The following MME variants were observed in gnomAD, a reference collection of about 807,000 sequenced individuals.
MME encodes neprilysin.
A neutral mutation model predicts 113.2 loss-of-function variants in MME; 98 were observed. The observed-to-expected ratio is 0.87, with a 90% CI of 0.74 to 1.02. The LOEUF (loss-of-function observed/expected upper bound fraction) is 1.02. Among genes scored for constraint, MME ranks in the 50% least tolerant of loss-of-function variants. MME has a pLI of 0.00. For missense variants in MME, 836 were observed against 896.0 expected (o/e 0.93, Z 0.86); for synonymous variants, 292 against 300.6 (o/e 0.97, Z 0.30).
chr3:155,160,494 C>T, intron 17 of MME, 46 bp downstream of exon 17: 4 of 1,327,376 alleles, frequency 3.0e-6, no homozygotes, highest in Non-Finnish European at 4.3e-6. Flanking sequence ...TCTATCGTTC[C>T]CAACCTGTAG....
chr3:155,140,743 A>G (rs1360427535), intron 10 of MME, among the ~76,000 whole-genome samples: 1 of 152,112 alleles, frequency 6.6e-6, no homozygotes. Flanking sequence ...CAATAATACT[A>G]GAAACTCCCA....
intron 3 of MME, among the ~76,000 whole-genome samples, chr3:155,103,730 C>A (rs185757481): frequency 2.2e-4 from 33 of 152,162 alleles, no homozygotes; most frequent in African/African-American, 7.7e-4. Context: ...TTTATTTCTT[C>A]TCTCTTTTAA....
chr3:155,063,308 A>G, intron 1 of MME, among the ~76,000 whole-genome samples: 1 of 109,060 alleles, frequency 9.2e-6, no homozygotes, highest in East Asian at 2.4e-4. Flanking sequence ...ATAAAGATAT[A>G]ATATATCATT....
chr3:155,069,864 T>C (rs1714496826), intron 1 of MME, among the ~76,000 whole-genome samples: 1 of 152,190 alleles, frequency 6.6e-6, no homozygotes, highest in Non-Finnish European at 1.5e-5. Flanking sequence ...CTTGCCCTTG[T>C]CCATGTGATG....
upstream of MME, among the ~76,000 whole-genome samples, chr3:155,077,809 T>C (rs574407067): frequency 1.8e-4 from 27 of 152,000 alleles, no homozygotes; most frequent in African/African-American, 6.3e-4. Flanking sequence ...CAATCCATAC[T>C]GTCGACTATC....
At chr3:155,083,975 G>A in intron 1 of MME, 183 bp from the exon 2 acceptor site, 1 of 589,620 alleles carries the variant, frequency 1.7e-6, no homozygotes, top group South Asian at 2.1e-5. Flanking sequence ...ACTGAGACCT[G>A]TCAAATTCAT....
intron 16 of MME, among the ~76,000 whole-genome samples, chr3:155,158,050 A>G (rs1722441190): frequency 6.6e-6 from 1 of 152,142 alleles, no homozygotes; most frequent in Non-Finnish European, 1.5e-5. Context: ...CACAAGATGG[A>G]TAATATATAA....
intron 14 of MME, 80 bp downstream of exon 14, chr3:155,144,537 A>T (rs1721365306): frequency 5.7e-6 from 5 of 883,578 alleles, no homozygotes; most frequent in Admixed American, 4.2e-5. Flanking sequence ...TTTAGAAAAA[A>T]ATATAATCAA....
At chr3:155,158,731 T>C (rs560685773) in intron 16 of MME, 2 of 152,142 alleles carry the variant, frequency 1.3e-5, no homozygotes, top group African/African-American at 2.4e-5. Flanking sequence ...TTCTTGTGAG[T>C]CAACACAAAT....
rs1713190707 is a variant in MME at position 155,182,462 on chromosome 3, T to C, written c.*2003T>C. ...TTATTATAAGCATTGAAATTATAGT[T>C]TCAAGCCAACTGTGGATACCCTTAC... On this transcript the variant is annotated 3_prime_UTR_variant, in exon 23 of 23. Transcript: ENST00000360490. 1 of 152,174 alleles carries C rather than the reference T, an allele frequency of 6.6e-6. No individual in the cohort carries two copies. Among genetic ancestry groups the C allele is most frequent in the East Asian group, 1.9e-4 (1 of 5,200 alleles). The allele number at this position is 152,174 out of a possible 1,614,324, so 9.4% of individuals were successfully genotyped here.
chr3:155,091,839 G>A (rs895786606), intron 3 of MME, among the ~76,000 whole-genome samples: 3 of 152,092 alleles, frequency 2.0e-5, no homozygotes, highest in Non-Finnish European at 2.9e-5. Context: ...AGATTTTGTC[G>A]GGGGCCAGTG....
At chr3:155,055,628 C>T (rs1713899041) in intron 1 of MME, among the ~76,000 whole-genome samples, 1 of 151,814 alleles carries the variant, frequency 6.6e-6, no homozygotes, top group African/African-American at 2.4e-5. Flanking sequence ...ATAATTCCAC[C>T]ATTTACATAA....
intron 1 of MME, among the ~76,000 whole-genome samples, chr3:155,065,020 C>T (rs1714342432): frequency 6.6e-6 from 1 of 152,202 alleles, no homozygotes; most frequent in Non-Finnish European, 1.5e-5. Context: ...AGTCATACTG[C>T]ATAAGGGTCA....
intron 16 of MME, among the ~76,000 whole-genome samples, chr3:155,157,009 C>G (rs1455632505): frequency 6.6e-6 from 1 of 151,994 alleles, no homozygotes; most frequent in Admixed American, 6.6e-5. Context: ...ACACTTTCAT[C>G]AGCACTAAGC....
intron 3 of MME, among the ~76,000 whole-genome samples, chr3:155,096,728 T>C (rs1315106519): frequency 6.6e-6 from 1 of 152,132 alleles, no homozygotes; most frequent in African/African-American, 2.4e-5. Context: ...TGTTTGTTTG[T>C]TTGTTTTGAG....
At chr3:155,160,899 A>G (rs1722670515) in intron 17 of MME, among the ~76,000 whole-genome samples, 1 of 152,028 alleles carries the variant, frequency 6.6e-6, no homozygotes, top group South Asian at 2.1e-4. Context: ...AGATGATCCT[A>G]TTCTATGTCA....
intron 16 of MME, chr3:155,158,876 C>A (rs868383966): frequency 6.6e-6 from 1 of 151,936 alleles, no homozygotes; most frequent in Non-Finnish European, 1.5e-5. Context: ...TCAGTCCCCC[C>A]CCATCCTGTT....
At chr3:155,150,751 G>A (rs563845795) in intron 16 of MME, among the ~76,000 whole-genome samples, 1 of 152,232 alleles carries the variant, frequency 6.6e-6, no homozygotes, top group Admixed American at 6.5e-5. Context: ...CCTTTTGTGT[G>A]ATATCATTCC....
At chr3:155,076,253 G>GA (rs1214344578), upstream of MME, among the ~76,000 whole-genome samples, 2 of 152,156 alleles carry the variant, frequency 1.3e-5, no homozygotes, top group South Asian at 4.1e-4. Flanking sequence ...AGTCAGGACT[G>GA]AAAAAAGCAA....
Sources: allele counts gnomAD v4.1 joint callset (sites outside exome capture counted in the v4.1 genomes callset), GRCh38; gene constraint gnomAD v4.1.1; transcripts MANE v1.5; gene names NCBI Gene and HGNC (gene_info 2026-07-23, HGNC 2026-07-21).